The following APBA2 variants were observed in gnomAD, a reference collection of about 807,000 sequenced individuals.
APBA2 encodes the protein amyloid-beta A4 precursor protein-binding family A member 2.
APBA2 carries 30 observed loss-of-function variants against 75.0 expected under a neutral mutation model. The ratio of observed to expected loss-of-function variants is 0.40; its 90% confidence interval spans 0.30 to 0.54. The LOEUF (loss-of-function observed/expected upper bound fraction) is 0.54. APBA2 is among the 20% of genes least tolerant of loss of function. The probability of loss-of-function intolerance (pLI) is 0.49; values close to 1 mark genes in which losing one functional copy is unlikely to be tolerated. For synonymous variants in APBA2, 444 were observed against 409.6 expected (o/e 1.08, Z -1.01); for missense variants, 801 against 1,016.1 (o/e 0.79, Z 2.88).
chr15:28,960,959 A>G (rs1478976810), intron 2 of APBA2, among the ~76,000 whole-genome samples: 1 of 151,742 alleles, frequency 6.6e-6, no homozygotes, highest in Admixed American at 6.6e-5. Flanking sequence ...GGGTTTCTCC[A>G]TGTTGGTCAG....
intron 6 of APBA2, among the ~76,000 whole-genome samples, chr15:29,087,755 A>G (rs996128140): frequency 7.3e-6 from 1 of 136,086 alleles, no homozygotes; most frequent in Admixed American, 7.3e-5. Flanking sequence ...CTCCAGACCT[A>G]GGGGGCACTT....
chr15:29,094,789 G>A (rs2043767707), intron 8 of APBA2, among the ~76,000 whole-genome samples: 1 of 152,166 alleles, frequency 6.6e-6, no homozygotes, highest in East Asian at 1.9e-4. Context: ...GCTGGGTGCT[G>A]TGGCTCACAC....
intron 6 of APBA2, among the ~76,000 whole-genome samples, chr15:29,086,966 G>A (rs192432090): frequency 6.6e-6 from 1 of 152,228 alleles, no homozygotes; most frequent in Non-Finnish European, 1.5e-5. Context: ...ACCATTTTGA[G>A]CATTTTACAT....
chr15:29,012,030 TAG>T (rs2039427662), intron 3 of APBA2, among the ~76,000 whole-genome samples: 1 of 152,262 alleles, frequency 6.6e-6, no homozygotes, highest in African/African-American at 2.4e-5. Context: ...GCGAAGATAG[TAG>T]AGAGTTCCCA....
At chr15:29,039,772 TC>T (rs2040941206) in intron 3 of APBA2, among the ~76,000 whole-genome samples, 1 of 152,082 alleles carries the variant, frequency 6.6e-6, no homozygotes, top group African/African-American at 2.4e-5. Context: ...TTAATGTACC[TC>T]CCCAAATCTG....
chr15:29,109,833 C>T (rs1402268396), intron 13 of APBA2, among the ~76,000 whole-genome samples: 2 of 152,250 alleles, frequency 1.3e-5, no homozygotes, highest in Admixed American at 1.3e-4. Context: ...ATAAAGTACC[C>T]CAAGCTATCC....
At chr15:28,943,404 T>C (rs2035347707) in intron 2 of APBA2, among the ~76,000 whole-genome samples, 1 of 152,224 alleles carries the variant, frequency 6.6e-6, no homozygotes, top group Non-Finnish European at 1.5e-5. Context: ...GACCTGTCCA[T>C]GCCATCTCCC....
intron 2 of APBA2, among the ~76,000 whole-genome samples, chr15:28,929,793 G>A (rs1247059196): frequency 6.6e-6 from 1 of 152,190 alleles, no homozygotes; most frequent in Non-Finnish European, 1.5e-5. Flanking sequence ...GCCAGCATCA[G>A]TTCTTATGAA....
At position 29,011,736 on chromosome 15, in the gene APBA2, A is replaced by G. The variant is rs1159414967; in HGVS notation, c.-41+15930A>G. On this transcript the variant is annotated intron_variant, in intron 3 of 14. Coordinates refer to ENST00000683413, the MANE Select transcript of APBA2 (RefSeq NM_001353788.2). ...GTGTTAAATTATCCAGCTGCTCATAATGTCTGTGTCTAATAGACATAAATT... is the reference window on the plus strand; with the variant it reads ...GTGTTAAATTATCCAGCTGCTCATAGTGTCTGTGTCTAATAGACATAAATT... Among the ~76,000 whole-genome samples the G allele has an allele frequency of 2.0e-5, 3 of 152,276 alleles. No individual in the cohort carries two copies. In the East Asian group the frequency reaches 5.8e-4, roughly 29 times the overall value.
chr15:29,021,964 C>G (rs945397737), intron 3 of APBA2, among the ~76,000 whole-genome samples: 1 of 152,178 alleles, frequency 6.6e-6, no homozygotes, highest in African/African-American at 2.4e-5. Flanking sequence ...CTGTACATGG[C>G]AGGATTTCCT....
At chr15:29,036,239 T>C (rs1387533778) in intron 3 of APBA2, among the ~76,000 whole-genome samples, 1 of 127,870 alleles carries the variant, frequency 7.8e-6, no homozygotes, top group Admixed American at 7.9e-5. Flanking sequence ...ATATTTTTTG[T>C]CTTAAAAAAC....
chr15:28,965,029 A>G (rs980285909), intron 2 of APBA2, among the ~76,000 whole-genome samples: 11 of 151,948 alleles, frequency 7.2e-5, no homozygotes, highest in African/African-American at 2.7e-4. Flanking sequence ...GTGTATGTCT[A>G]GGAACTCTTT....
At chr15:29,087,389 T>C (rs2043335927) in intron 6 of APBA2, among the ~76,000 whole-genome samples, 1 of 152,238 alleles carries the variant, frequency 6.6e-6, no homozygotes, top group Non-Finnish European at 1.5e-5. Flanking sequence ...CCTGACTCTC[T>C]GTTGTGGCTT....
At chr15:28,956,929 A>C (rs553327870) in intron 2 of APBA2, among the ~76,000 whole-genome samples, 32 of 152,318 alleles carry the variant, frequency 2.1e-4, no homozygotes, top group African/African-American at 7.7e-4. Context: ...GTCGAGGAAT[A>C]CTTCCTTGTA....
intron 2 of APBA2, among the ~76,000 whole-genome samples, chr15:28,959,791 C>G (rs1250868863): frequency 6.6e-6 from 1 of 152,140 alleles, no homozygotes; most frequent in African/African-American, 2.4e-5. Context: ...CAGCACCTGC[C>G]CTTGTGAAAC....
chr15:28,900,662 C>G (rs186653912), intron 1 of APBA2, among the ~76,000 whole-genome samples: 1 of 152,126 alleles, frequency 6.6e-6, no homozygotes, highest in Non-Finnish European at 1.5e-5. Flanking sequence ...TGTCGGGGGC[C>G]GCTTCCCTGC....
At chr15:29,088,375 C>T (rs374606388) in intron 6 of APBA2, among the ~76,000 whole-genome samples, 8 of 152,258 alleles carry the variant, frequency 5.3e-5, no homozygotes, top group East Asian at 1.9e-4. Context: ...CGAGTCCAGC[C>T]GCCTACTGAG....
rs369077710 is a variant in APBA2, at chr15:28,935,662, A to G, written c.-95+13913A>G. ...GAGGAGTCAGCCAAGCCCTCCCCTC[A>G]GCCTCTCTCCAGACACTACAGATCC... is the stretch of plus-strand genomic sequence containing the variant. On this transcript the variant is annotated intron_variant, in intron 2 of 14. Coordinates refer to ENST00000683413, the MANE Select transcript of APBA2 (RefSeq NM_001353788.2). 6.6e-5 allele frequency among the ~76,000 whole-genome samples: 10 copies of G among 152,304 alleles called. 1 individual carries two copies. In the South Asian group the frequency reaches 2.1e-3, roughly 32 times the overall value.
At chr15:28,937,272 G>T (rs73366747) in intron 2 of APBA2, among the ~76,000 whole-genome samples, 4,574 of 152,284 alleles carry the variant, frequency 0.03, 236 homozygotes, top group African/African-American at 0.1. Context: ...CTTGTGGGCC[G>T]GGGGTGCTTT....
Sources: gnomAD v4.1 joint callset for allele counts (sites outside exome capture counted in the v4.1 genomes callset) on GRCh38, gnomAD v4.1.1 for gene constraint, MANE v1.5 for transcripts, NCBI Gene and HGNC (gene_info 2026-07-23, HGNC 2026-07-21) for gene names.